The following AKAP13 variants were observed in gnomAD, a reference collection of about 807,000 sequenced individuals.
AKAP13 encodes the protein A-kinase anchor protein 13.
In AKAP13, 80 loss-of-function variants were observed where a neutral mutation model predicts 264.5. The observed-to-expected ratio is 0.30, with a 90% CI of 0.25 to 0.36. The LOEUF (loss-of-function observed/expected upper bound fraction) is 0.36, where lower values mean the gene tolerates loss of function less well. AKAP13 is among the 10% of genes least tolerant of loss of function. AKAP13 has a pLI of 1.00. For missense variants in AKAP13, 3,712 were observed against 3,435.2 expected (o/e 1.08, Z -2.01); for synonymous variants, 1,380 against 1,250.2 (o/e 1.10, Z -2.19).
intron 14 of AKAP13, 125 bp downstream of exon 14, chr15:85,669,955 A>G: frequency 8.8e-6 from 5 of 568,368 alleles, no homozygotes; most frequent in Non-Finnish European, 6.2e-6. Flanking sequence ...CTTTGAGTGA[A>G]TGGCTCAGCA....
At chr15:85,655,390 A>G (rs775184064) in intron 10 of AKAP13, 27 bp from the exon 11 acceptor site, 1 of 1,599,884 alleles carries the variant, frequency 6.3e-7, no homozygotes, top group Non-Finnish European at 8.5e-7. Flanking sequence ...GCTGGCTTCA[A>G]CCATATGTGC....
At chr15:85,597,707 G>A (rs143921216) in intron 8 of AKAP13, among the ~76,000 whole-genome samples, 2 of 152,242 alleles carry the variant, frequency 1.3e-5, no homozygotes, top group African/African-American at 4.8e-5. Flanking sequence ...AGGGTGATCT[G>A]GGTAGACTGA....
intron 16 of AKAP13, chr15:85,692,959 G>C: frequency 4.1e-6 from 1 of 244,662 alleles, no homozygotes; most frequent in Non-Finnish European, 7.8e-6. Flanking sequence ...GCTGAGGAAG[G>C]GCTGTACTGA....
intron 6 of AKAP13, chr15:85,577,882 AG>A (rs1339218624): frequency 2.1e-6 from 2 of 941,836 alleles, no homozygotes; most frequent in Non-Finnish European, 2.5e-6. Context: ...GTAAGTATTT[AG>A]GGCACAGGCA....
chr15:85,652,974 C>T (rs1471556600), intron 10 of AKAP13, among the ~76,000 whole-genome samples: 1 of 152,130 alleles, frequency 6.6e-6, no homozygotes, highest in Non-Finnish European at 1.5e-5. Flanking sequence ...TCCAAATAAG[C>T]TCACATTCTG....
chr15:85,382,188 A>G (rs1313124167), intron 1 of AKAP13: 3 of 152,204 alleles, frequency 2.0e-5, no homozygotes, highest in Admixed American at 2.0e-4. Flanking sequence ...AGTGTCATTT[A>G]TTGTTAACTT....
chr15:85,638,499 G>A (rs1000188772), intron 8 of AKAP13, among the ~76,000 whole-genome samples: 2 of 151,912 alleles, frequency 1.3e-5, no homozygotes, highest in Non-Finnish European at 2.9e-5. Flanking sequence ...GATTGGTTGA[G>A]GTTTTTCAAG....
chr15:85,670,721 C>T (rs1313692235), intron 14 of AKAP13: 1 of 151,900 alleles, frequency 6.6e-6, no homozygotes, highest in Non-Finnish European at 1.5e-5. Context: ...TCAACAATGT[C>T]AAGCTCAAGA....
At chr15:85,441,783 A>C (rs1042352717) in intron 1 of AKAP13, among the ~76,000 whole-genome samples, 13 of 150,690 alleles carry the variant, frequency 8.6e-5, no homozygotes, top group African/African-American at 3.2e-4. Flanking sequence ...TTTTTCTGTT[A>C]AACTGTATTA....
intron 9 of AKAP13, among the ~76,000 whole-genome samples, chr15:85,642,535 C>T (rs1360650957): frequency 6.6e-6 from 1 of 152,204 alleles, no homozygotes; most frequent in Non-Finnish European, 1.5e-5. Flanking sequence ...TTAGGGATTC[C>T]CCCCACCTCC....
chr15:85,531,154 C>T (rs750890830), intron 3 of AKAP13, among the ~76,000 whole-genome samples: 1 of 152,242 alleles, frequency 6.6e-6, no homozygotes, highest in Non-Finnish European at 1.5e-5. Context: ...GTCATCGCGC[C>T]TGGCCTAAGT....
intron 13 of AKAP13, among the ~76,000 whole-genome samples, chr15:85,666,220 A>G (rs1004278467): frequency 1.3e-5 from 2 of 152,116 alleles, no homozygotes; most frequent in African/African-American, 4.8e-5. Flanking sequence ...TCACCATTCT[A>G]ACTGGTGTGA....
intron 1 of AKAP13, among the ~76,000 whole-genome samples, chr15:85,434,279 G>C (rs1382941822): frequency 6.6e-6 from 1 of 152,140 alleles, no homozygotes; most frequent in Non-Finnish European, 1.5e-5. Context: ...AAAAAACGGC[G>C]AACCACGAGA....
chr15:85,728,552 A>G (rs867944174), intron 29 of AKAP13, among the ~76,000 whole-genome samples: 1 of 152,248 alleles, frequency 6.6e-6, no homozygotes, highest in East Asian at 1.9e-4. Context: ...CAGGGGAGAC[A>G]TACATCAATG....
chr15:85,612,729 C>A (rs1218103331), intron 8 of AKAP13, among the ~76,000 whole-genome samples: 1 of 150,498 alleles, frequency 6.6e-6, no homozygotes, highest in Non-Finnish European at 1.5e-5. Flanking sequence ...GAGGCTGAGG[C>A]AGGAGAATCA....
At chr15:85,722,368 G>A (rs754324453) in intron 25 of AKAP13, 21 bp downstream of exon 25, 9 of 1,579,992 alleles carry the variant, frequency 5.7e-6, no homozygotes, top group Admixed American at 1.8e-5. Context: ...TTTCTAACTC[G>A]GTCTTGTATG....
chr15:85,438,320 A>G (rs1325325945), intron 1 of AKAP13, among the ~76,000 whole-genome samples: 1 of 146,390 alleles, frequency 6.8e-6, no homozygotes. Context: ...ATAAAAGAGG[A>G]TACAAACAAA....
chr15:85,654,863 TTC>T (rs2083025617), intron 10 of AKAP13, among the ~76,000 whole-genome samples: 2 of 151,434 alleles, frequency 1.3e-5, no homozygotes, highest in Non-Finnish European at 2.9e-5. Flanking sequence ...AATGATGTAC[TTC>T]TAGTGTAGTA....
intron 35 of AKAP13, 117 bp from the exon 36 acceptor site, chr15:85,743,375 C>A: frequency 9.1e-7 from 1 of 1,093,196 alleles, no homozygotes; most frequent in Non-Finnish European, 1.3e-6. Flanking sequence ...GTAGAGTTCG[C>A]AGAGGTGGGT....
Sources: allele counts gnomAD v4.1 joint callset (sites outside exome capture counted in the v4.1 genomes callset), GRCh38; gene constraint gnomAD v4.1.1; transcripts MANE v1.5; gene names NCBI Gene and HGNC (gene_info 2026-07-23, HGNC 2026-07-21).